ROBO1: variants seen among roughly 807,000 people sequenced by gnomAD.
ROBO1 encodes roundabout guidance receptor 1, also known as roundabout homolog 1.
A neutral mutation model predicts 195.9 loss-of-function variants in ROBO1; 149 were observed. That is an observed-to-expected ratio of 0.76 (90% CI 0.67 to 0.87). The LOEUF (loss-of-function observed/expected upper bound fraction) is 0.87. ROBO1 is among the 40% of genes least tolerant of loss of function. ROBO1 has a pLI of 0.00. For missense variants in ROBO1, 1,933 were observed against 2,068.3 expected (o/e 0.93, Z 1.27); for synonymous variants, 816 against 733.2 (o/e 1.11, Z -1.82).
chr3:79,487,800 T>C (rs1427106318), intron 2 of ROBO1, among the ~76,000 whole-genome samples: 3 of 152,168 alleles, frequency 2.0e-5, no homozygotes, highest in Admixed American at 2.0e-4. Flanking sequence ...TATTTTAACA[T>C]ATACAACTCA....
rs146267040 is a variant in ROBO1 at position 79,214,732 on chromosome 3, C to CTATA, written c.89-89197_89-89194dup. ...AGTAATTGCTATATATATATATTTG[C>CTATA]TATATATATATATAGCATGTATATA... On this transcript the variant is annotated intron_variant, in intron 2 of 30. Transcript: ENST00000464233. Among the ~76,000 whole-genome samples, 4 of 142,418 alleles carry CTATA rather than the reference C, an allele frequency of 2.8e-5. No individual in the cohort carries two copies. The Admixed American group carries it at 2.8e-4, about 10-fold the overall frequency. 93.4% of individuals were successfully genotyped at this position (142,418 alleles called of 152,430 possible).
intron 4 of ROBO1, among the ~76,000 whole-genome samples, chr3:78,798,567 C>CT (rs1026063925): frequency 6.6e-6 from 1 of 152,162 alleles, no homozygotes; most frequent in Non-Finnish European, 1.5e-5. Context: ...GCACACACAT[C>CT]TTTTTATTAT....
intron 3 of ROBO1, among the ~76,000 whole-genome samples, chr3:78,972,625 T>C (rs1162085847): frequency 6.6e-6 from 1 of 152,230 alleles, no homozygotes; most frequent in Non-Finnish European, 1.5e-5. Flanking sequence ...ATTATTAAAA[T>C]CATTCATTCC....
chr3:78,640,180 TG>T (rs1175168205), intron 21 of ROBO1, among the ~76,000 whole-genome samples: 1 of 152,184 alleles, frequency 6.6e-6, no homozygotes, highest in African/African-American at 2.4e-5. Flanking sequence ...TTAGTCATAA[TG>T]GTTAAAAATC....
At chr3:78,640,852 C>T (rs1186791599) in intron 21 of ROBO1, among the ~76,000 whole-genome samples, 2 of 152,046 alleles carry the variant, frequency 1.3e-5, no homozygotes, top group Admixed American at 6.6e-5. Context: ...GTTTTATTTT[C>T]TATGTTAAAA....
chr3:79,263,559 G>A (rs1384746493), intron 2 of ROBO1, among the ~76,000 whole-genome samples: 1 of 151,972 alleles, frequency 6.6e-6, no homozygotes, highest in Non-Finnish European at 1.5e-5. Flanking sequence ...TGGGAGGATT[G>A]CTTGAGCCCA....
Position 79,449,348 on chromosome 3 carries a change from A to C in ROBO1, c.88+140476T>G, listed in dbSNP as rs150974603. Among the ~76,000 whole-genome samples the C allele has an allele frequency of 1.6e-3, 242 of 152,316 alleles. 1 individual carries two copies. Among genetic ancestry groups the C allele is most frequent in the African/African-American group, 5.5e-3 (230 of 41,582 alleles). On this transcript the variant is annotated intron_variant, in intron 2 of 30. Coordinates refer to ENST00000464233, the MANE Select transcript of ROBO1 (RefSeq NM_002941.4). ...CAAATATTTTATGAAATTGAAAAAA[A>C]CACCAAAATGAGTTCTCTGATTTAT...
intron 2 of ROBO1, among the ~76,000 whole-genome samples, chr3:79,188,958 T>C (rs941862787): frequency 2.6e-5 from 4 of 151,752 alleles, no homozygotes; most frequent in African/African-American, 9.7e-5. Context: ...CCAAGGGAGC[T>C]TGTTTGCCCC....
At chr3:79,023,222 A>G (rs887421836) in intron 3 of ROBO1, among the ~76,000 whole-genome samples, 3 of 152,194 alleles carry the variant, frequency 2.0e-5, no homozygotes, top group African/African-American at 7.2e-5. Context: ...TCAGAGTGCA[A>G]CAGTTAGTTC....
intron 3 of ROBO1, among the ~76,000 whole-genome samples, chr3:79,071,567 C>T (rs1317387243): frequency 1.3e-5 from 2 of 151,494 alleles, no homozygotes; most frequent in Admixed American, 6.6e-5. Context: ...ATTTCTTTTC[C>T]GTGGGTGTCC....
At chr3:79,115,767 G>A (rs866968185) in intron 3 of ROBO1, among the ~76,000 whole-genome samples, 4 of 152,122 alleles carry the variant, frequency 2.6e-5, no homozygotes, top group African/African-American at 4.8e-5. Flanking sequence ...TGGGGTAGAC[G>A]TTCTATGAAT....
At position 79,331,223 on chromosome 3, in the gene ROBO1, C is replaced by T. The variant is rs112443054; in HGVS notation, c.89-205684G>A. Among the ~76,000 whole-genome samples, 125 of 152,076 alleles carry T rather than the reference C, an allele frequency of 8.2e-4. 1 individual carries two copies. Among genetic ancestry groups the T allele is most frequent in the African/African-American group, 2.9e-3 (121 of 41,482 alleles). On this transcript the variant is annotated intron_variant, in intron 2 of 30. Coordinates refer to ENST00000464233, the MANE Select transcript of ROBO1 (RefSeq NM_002941.4). ...CCTCTAAGACCATAAAAATGTAAAT[C>T]CAGATTTAATGAAGAATTAAATACT... is the stretch of plus-strand genomic sequence containing the variant.
At chr3:79,475,711 T>C (rs1363524583) in intron 2 of ROBO1, among the ~76,000 whole-genome samples, 7 of 152,080 alleles carry the variant, frequency 4.6e-5, no homozygotes, top group African/African-American at 1.7e-4. Flanking sequence ...TGCCCTTTAT[T>C]GCTTGCACCC....
At chr3:78,613,834 A>G (rs1318941084) in intron 28 of ROBO1, among the ~76,000 whole-genome samples, 2 of 152,172 alleles carry the variant, frequency 1.3e-5, no homozygotes, top group Admixed American at 1.3e-4. Flanking sequence ...ACTGGTAATG[A>G]AAGTCCTAAT....
intron 2 of ROBO1, among the ~76,000 whole-genome samples, chr3:79,185,043 T>C (rs2081413742): frequency 6.6e-6 from 1 of 152,174 alleles, no homozygotes; most frequent in Admixed American, 6.6e-5. Context: ...GGTTTCTTTC[T>C]CTGTAGAATG....
chr3:79,445,480 T>C (rs908486160), intron 2 of ROBO1, among the ~76,000 whole-genome samples: 2 of 118,926 alleles, frequency 1.7e-5, no homozygotes, highest in African/African-American at 6.3e-5. Flanking sequence ...ATACAGAAAT[T>C]GTTTTTTTTT....
intron 8 of ROBO1, among the ~76,000 whole-genome samples, chr3:78,705,550 A>T (rs1264282871): frequency 1.3e-5 from 2 of 152,212 alleles, no homozygotes; most frequent in African/African-American, 2.4e-5. Context: ...TGTTACAAGA[A>T]CATCAAGGTT....
At chr3:78,752,747 C>G (rs444598) in intron 4 of ROBO1, among the ~76,000 whole-genome samples, 53,110 of 151,938 alleles carry the variant, frequency 0.35, 11,582 homozygotes, top group Middle Eastern at 0.51. Context: ...ACACCATCTT[C>G]TAAAGCTAAG....
chr3:78,976,920 G>A (rs548814281), intron 3 of ROBO1, among the ~76,000 whole-genome samples: 21 of 152,158 alleles, frequency 1.4e-4, no homozygotes, highest in African/African-American at 4.8e-4. Flanking sequence ...GCAAACCTAC[G>A]TATTACCTCC....
Sources: gnomAD v4.1 joint callset for allele counts (sites outside exome capture counted in the v4.1 genomes callset) on GRCh38, gnomAD v4.1.1 for gene constraint, MANE v1.5 for transcripts, NCBI Gene and HGNC (gene_info 2026-07-23, HGNC 2026-07-21) for gene names.